LRRC37A3: variants seen among roughly 807,000 people sequenced by gnomAD.
The protein encoded by LRRC37A3 is leucine-rich repeat-containing protein 37A3.
A neutral mutation model predicts 106.2 loss-of-function variants in LRRC37A3; 25 were observed. The ratio of observed to expected loss-of-function variants is 0.24; its 90% CI spans 0.17 to 0.33. The LOEUF is 0.33. LRRC37A3 is among the 10% of genes least tolerant of loss of function. LRRC37A3 has a pLI of 1.00. For synonymous variants in LRRC37A3, 305 were observed against 635.8 expected (o/e 0.48, Z 7.83); for missense variants, 712 against 1,644.9 (o/e 0.43, Z 9.81).
chr17:64,855,717 G>T (rs1372496063), intron 14 of LRRC37A3, 123 bp downstream of exon 14: 2 of 1,497,340 alleles, frequency 1.3e-6, no homozygotes, highest in Admixed American at 1.9e-5. Context: ...CAGGAGAATC[G>T]CTTGAACCTG....
chr17:64,874,549 G>A (rs1973441350), intron 8 of LRRC37A3, among the ~76,000 whole-genome samples: 1 of 152,196 alleles, frequency 6.6e-6, no homozygotes, highest in African/African-American at 2.4e-5. Context: ...TGCCCCTTCT[G>A]GGAAGTGAGG....
At chr17:64,917,793 C>A (rs1233874091) in intron 2 of LRRC37A3, among the ~76,000 whole-genome samples, 1 of 150,786 alleles carries the variant, frequency 6.6e-6, no homozygotes, top group African/African-American at 2.5e-5. Flanking sequence ...ATGGTGAAAC[C>A]CTGTCTCTAC....
intron 1 of LRRC37A3, 100 bp from the exon 2 acceptor site, chr17:64,918,970 G>C: frequency 8.5e-7 from 1 of 1,180,198 alleles, no homozygotes. Flanking sequence ...TCCGGGCCAG[G>C]TGGCTGCCCC....
At chr17:64,910,476 G>A (rs1169169895) in intron 2 of LRRC37A3, among the ~76,000 whole-genome samples, 13 of 152,200 alleles carry the variant, frequency 8.5e-5, no homozygotes, top group Admixed American at 4.6e-4. Flanking sequence ...ACTACCTGCC[G>A]AGGGCAGAGA....
At chr17:64,914,955 T>C (rs1974671062) in intron 2 of LRRC37A3, among the ~76,000 whole-genome samples, 1 of 151,382 alleles carries the variant, frequency 6.6e-6, no homozygotes. Context: ...AGATAGGCAG[T>C]AGAATGATGG....
intron 8 of LRRC37A3, among the ~76,000 whole-genome samples, chr17:64,874,258 A>T (rs1973420905): frequency 6.6e-6 from 1 of 152,240 alleles, no homozygotes; most frequent in Non-Finnish European, 1.5e-5. Context: ...ATAACTGGGC[A>T]TGCCCGTCTG....
intron 14 of LRRC37A3, among the ~76,000 whole-genome samples, chr17:64,855,149 A>T (rs1189665674): frequency 5.9e-5 from 9 of 152,156 alleles, no homozygotes; most frequent in Non-Finnish European, 1.3e-4. Flanking sequence ...TGAGGTTTGC[A>T]TAAAAGGAAT....
intron 8 of LRRC37A3, among the ~76,000 whole-genome samples, chr17:64,874,599 C>G (rs560215277): frequency 1.4e-3 from 207 of 152,342 alleles, no homozygotes; most frequent in African/African-American, 4.8e-3. Flanking sequence ...GGGAGGTGTA[C>G]CCAACAGCTC....
intron 11 of LRRC37A3, among the ~76,000 whole-genome samples, chr17:64,862,275 A>G (rs7213714): frequency 0.023 from 3,554 of 152,308 alleles, 127 homozygotes; most frequent in African/African-American, 0.081. Flanking sequence ...CCTAATCTAC[A>G]AAAATACTCT....
chr17:64,860,664 C>T lies in LRRC37A3; in HGVS notation c.3482G>A (p.Arg1161Gln), dbSNP rs369102294. The T allele has an allele frequency of 7.2e-5, 117 of 1,613,988 alleles. No individual in the cohort carries two copies. The highest frequency in any genetic ancestry group is 5.2e-4 in the South Asian group (47 of 91,072). ...CATGAGGACTCTATTCAGTCTCTGC[C>T]GGTTTTTGCCTACAGTTTGAATCTT... is the stretch of plus-strand genomic sequence containing the variant. Reference protein sequence around the residue: ...LAKIQTVGKNRQRLNRVLMGP... With the variant: ...LAKIQTVGKNQQRLNRVLMGP... Residue 1161 changes from arginine to glutamine, a missense_variant, in exon 12 of 15, where the codon CGG becomes CAG. Physicochemically the swap from Arg to Gln is conservative, Grantham distance 43. Transcript: ENST00000584306.
At chr17:64,866,902 A>G (rs1358225873) in intron 10 of LRRC37A3, among the ~76,000 whole-genome samples, 2 of 149,798 alleles carry the variant, frequency 1.3e-5, no homozygotes, top group Non-Finnish European at 3.0e-5. Context: ...GGATCACTTG[A>G]GACCAGGAGT....
chr17:64,918,207 CAG>C (rs1483640327), intron 2 of LRRC37A3, among the ~76,000 whole-genome samples: 13 of 149,266 alleles, frequency 8.7e-5, no homozygotes, highest in African/African-American at 2.7e-4. Context: ...AAAACTTAAA[CAG>C]AAAAAAAATT....
intron 11 of LRRC37A3, among the ~76,000 whole-genome samples, 171 bp downstream of exon 11, chr17:64,862,729 C>A (rs920594201): frequency 4.6e-5 from 7 of 152,120 alleles, no homozygotes; most frequent in African/African-American, 1.7e-4. Flanking sequence ...TAACTGAGAA[C>A]CTGACTCTCA....
At position 64,856,950 on chromosome 17, in the gene LRRC37A3, C is replaced by T. The variant is rs571350035; in HGVS notation, c.4810-1061G>A. Among the ~76,000 whole-genome samples, 864 of 151,852 alleles carry T rather than the reference C, an allele frequency of 5.7e-3. 9 individuals are homozygous for T. Among genetic ancestry groups the T allele is most frequent in the African/African-American group, 0.02 (829 of 41,338 alleles). ...CAGTGAGCTAGATCACACCATTGCTCTCCAGCCTGGGTGACAACAAGGCCC... is the reference window on the plus strand; with the variant it reads ...CAGTGAGCTAGATCACACCATTGCTTTCCAGCCTGGGTGACAACAAGGCCC... On this transcript the variant is annotated intron_variant, in intron 13 of 14. Transcript: ENST00000584306.
chr17:64,863,786 T>A (rs1972961283), intron 10 of LRRC37A3, among the ~76,000 whole-genome samples: 1 of 152,092 alleles, frequency 6.6e-6, no homozygotes, highest in African/African-American at 2.4e-5. Context: ...ACCCACAGAT[T>A]ATTTATTAAT....
chr17:64,909,403 G>A (rs1160107600), intron 2 of LRRC37A3, among the ~76,000 whole-genome samples: 2 of 152,210 alleles, frequency 1.3e-5, no homozygotes, highest in Non-Finnish European at 2.9e-5. Context: ...ATCTTCAGGT[G>A]ATTTCTATGG....
chr17:64,913,159 C>T (rs1974627269), intron 2 of LRRC37A3, among the ~76,000 whole-genome samples: 1 of 151,236 alleles, frequency 6.6e-6, no homozygotes, highest in Admixed American at 6.6e-5. Flanking sequence ...CTCCCAAGTA[C>T]TTGGGATTAC....
chr17:64,883,298 A>G (rs1463351159), intron 8 of LRRC37A3, among the ~76,000 whole-genome samples: 1 of 151,964 alleles, frequency 6.6e-6, no homozygotes, highest in Non-Finnish European at 1.5e-5. Flanking sequence ...GATGGATTTC[A>G]GATTCAAAAT....
intron 12 of LRRC37A3, 103 bp from the exon 13 acceptor site, chr17:64,858,986 C>G (rs1972773801): frequency 1.2e-6 from 1 of 800,796 alleles, no homozygotes; most frequent in Middle Eastern, 3.4e-4. Context: ...GAGGGTCTCA[C>G]TCTGTCACCC....
Sources: allele counts gnomAD v4.1 joint callset (sites outside exome capture counted in the v4.1 genomes callset), GRCh38; gene constraint gnomAD v4.1.1; transcripts MANE v1.5; gene names NCBI Gene and HGNC (gene_info 2026-07-23, HGNC 2026-07-21).